Variants in FUT9 observed in about 807,000 individuals in gnomAD.
FUT9 encodes the protein 4-galactosyl-N-acetylglucosaminide 3-alpha-L-fucosyltransferase 9.
A neutral mutation model predicts 29.7 loss-of-function variants in FUT9; 15 were observed. The ratio of observed to expected loss-of-function variants is 0.51; its 90% confidence interval spans 0.34 to 0.78. FUT9 has a LOEUF of 0.78. Among genes scored for constraint, FUT9 ranks in the 30% least tolerant of loss-of-function variants. The pLI is 0.01. For missense variants in FUT9, 319 were observed against 425.4 expected, an observed-to-expected ratio of 0.75 and a Z score of 2.20; for synonymous variants, 169 against 153.7, an observed-to-expected ratio of 1.10 and a Z score of -0.74.
chr6:96,076,195 T>C (rs1026211409), intron 1 of FUT9, among the ~76,000 whole-genome samples: 1 of 152,202 alleles, frequency 6.6e-6, no homozygotes, highest in Non-Finnish European at 1.5e-5. Flanking sequence ...TTGCATTTTC[T>C]ACACCAAATG....
intron 2 of FUT9, among the ~76,000 whole-genome samples, chr6:96,198,507 C>T (rs1444988307): frequency 1.1e-4 from 17 of 151,788 alleles, no homozygotes; most frequent in Non-Finnish European, 2.2e-4. Flanking sequence ...TTTCTTAATC[C>T]AGTCTATCAT....
intron 2 of FUT9, among the ~76,000 whole-genome samples, chr6:96,163,266 AC>A (rs1199063724): frequency 7.1e-6 from 1 of 141,806 alleles, no homozygotes; most frequent in Non-Finnish European, 1.5e-5. Flanking sequence ...GACAGCAGTA[AC>A]TACTTCCAAG....
intron 2 of FUT9, among the ~76,000 whole-genome samples, chr6:96,163,686 G>A (rs558850463): frequency 5.9e-5 from 9 of 152,096 alleles, no homozygotes; most frequent in Admixed American, 1.3e-4. Flanking sequence ...CCTGATTTGT[G>A]AATCATTCAT....
chr6:96,176,689 T>C (rs574107689), intron 2 of FUT9, among the ~76,000 whole-genome samples: 3 of 152,294 alleles, frequency 2.0e-5, no homozygotes, highest in African/African-American at 7.2e-5. Flanking sequence ...AGGCATCTTC[T>C]CATCTGCTAA....
chr6:96,164,291 C>T, intron 2 of FUT9, among the ~76,000 whole-genome samples: 1 of 123,638 alleles, frequency 8.1e-6, no homozygotes, highest in East Asian at 2.6e-4. Context: ...GAGTCTTGCT[C>T]TCTTTCGCCC....
intron 1 of FUT9, among the ~76,000 whole-genome samples, chr6:96,104,854 A>C (rs1771648923): frequency 6.6e-6 from 1 of 152,206 alleles, no homozygotes; most frequent in Admixed American, 6.5e-5. Context: ...TATTTTGTGT[A>C]GTTTTCTACA....
chr6:96,163,259 A>G (rs540604097), intron 2 of FUT9, among the ~76,000 whole-genome samples: 6 of 148,622 alleles, frequency 4.0e-5, no homozygotes, highest in African/African-American at 1.5e-4. Flanking sequence ...TTTCAAAGAC[A>G]GCAGTAACTA....
chr6:96,111,141 C>T (rs1209900626), intron 1 of FUT9, among the ~76,000 whole-genome samples: 1 of 152,064 alleles, frequency 6.6e-6, no homozygotes, highest in Non-Finnish European at 1.5e-5. Context: ...ATAAACTCAC[C>T]CATCAAGCCT....
chr6:96,153,654 A>C (rs1306484501), intron 2 of FUT9, among the ~76,000 whole-genome samples: 1 of 152,206 alleles, frequency 6.6e-6, no homozygotes, highest in African/African-American at 2.4e-5. Context: ...CAGTCAGGCG[A>C]GACAAAAACA....
At chr6:96,107,228 A>G (rs1224165114) in intron 1 of FUT9, among the ~76,000 whole-genome samples, 2 of 152,200 alleles carry the variant, frequency 1.3e-5, no homozygotes, top group African/African-American at 4.8e-5. Context: ...TGCATATTTT[A>G]TTTTCTAACC....
At chr6:96,127,998 GT>G (rs1772165044) in intron 2 of FUT9, among the ~76,000 whole-genome samples, 1 of 151,806 alleles carries the variant, frequency 6.6e-6, no homozygotes, top group Admixed American at 6.6e-5. Context: ...TCTGTTGATA[GT>G]TTCTTTTGCT....
At chr6:96,141,057 T>C (rs1562140052) in intron 2 of FUT9, among the ~76,000 whole-genome samples, 2 of 152,188 alleles carry the variant, frequency 1.3e-5, no homozygotes, top group Non-Finnish European at 2.9e-5. Context: ...TAGCCAGACA[T>C]GGGATTGTTT....
rs376127408 is a variant in FUT9, at chr6:96,074,718, A to G, written c.-97-39321A>G. ...TCTAAAACTTTGCTGTTACAATCAA[A>G]TATTGTCACTGTATAAAATATAGGC... On this transcript the variant is annotated intron_variant, in intron 1 of 2. Transcript: ENST00000302103. 5.3e-5 allele frequency among the ~76,000 whole-genome samples: 8 copies of G among 152,160 alleles called. No individual in the cohort carries two copies. The South Asian group carries it at 6.2e-4, about 12-fold the overall frequency.
At chr6:96,129,735 T>C (rs1040589488) in intron 2 of FUT9, among the ~76,000 whole-genome samples, 3 of 151,952 alleles carry the variant, frequency 2.0e-5, no homozygotes, top group African/African-American at 7.2e-5. Context: ...GTATTAATTA[T>C]TTTATATACA....
intron 2 of FUT9, among the ~76,000 whole-genome samples, chr6:96,180,895 A>G (rs1773294135): frequency 6.6e-6 from 1 of 150,948 alleles, no homozygotes; most frequent in Non-Finnish European, 1.5e-5. Flanking sequence ...ATTTTTCTTG[A>G]TGACTTAAGC....
In FUT9 at chr6:96,214,482, T is replaced by C. The variant is rs1773999480; in HGVS notation, c.*10247T>C. On this transcript the variant is annotated 3_prime_UTR_variant, in exon 3 of 3. Coordinates refer to ENST00000302103, the MANE Select transcript of FUT9 (RefSeq NM_006581.4). ...TTATTAACTTAAGTAATAAAAATTGTATAAAAATATGAATGTTGGCTGCAG... is the reference window on the plus strand; with the variant it reads ...TTATTAACTTAAGTAATAAAAATTGCATAAAAATATGAATGTTGGCTGCAG... 6.0e-6 allele frequency: 1 copy of C among 166,942 alleles called. No homozygotes were observed. The allele number at this position is 166,942 out of a possible 1,614,324, so 10.3% of individuals were successfully genotyped here. A position where few individuals can be genotyped will look rare whatever the true frequency, so the allele number is the denominator to read the frequency against.
intron 1 of FUT9, among the ~76,000 whole-genome samples, chr6:96,041,719 C>T (rs1340964577): frequency 6.6e-6 from 1 of 152,078 alleles, no homozygotes; most frequent in Non-Finnish European, 1.5e-5. Flanking sequence ...TTTATTTTCC[C>T]TTGTTGAATT....
At chr6:96,055,941 T>G (rs891495358) in intron 1 of FUT9, among the ~76,000 whole-genome samples, 2 of 152,178 alleles carry the variant, frequency 1.3e-5, no homozygotes, top group African/African-American at 4.8e-5. Flanking sequence ...TTGTCTTCTA[T>G]GTTGAAACAA....
intron 1 of FUT9, among the ~76,000 whole-genome samples, chr6:96,089,698 C>T (rs1459708249): frequency 6.6e-6 from 1 of 152,066 alleles, no homozygotes; most frequent in East Asian, 1.9e-4. Flanking sequence ...CCTTTCTATC[C>T]AATAACTTGT....
Sources: allele counts gnomAD v4.1 joint callset (sites outside exome capture counted in the v4.1 genomes callset), GRCh38; gene constraint gnomAD v4.1.1; transcripts MANE v1.5; gene names NCBI Gene and HGNC (gene_info 2026-07-23, HGNC 2026-07-21).